DLGAP2: variants seen among roughly 807,000 people sequenced by gnomAD.
DLGAP2 encodes the protein disks large-associated protein 2.
Under a neutral mutation model 100.3 loss-of-function variants are expected in DLGAP2, and 26 were observed. The ratio of observed to expected loss-of-function variants is 0.26; its 90% CI spans 0.19 to 0.36. The LOEUF (loss-of-function observed/expected upper bound fraction) is 0.36, where lower values mean the gene tolerates loss of function less well. Among genes scored for constraint, DLGAP2 ranks in the 10% least tolerant of loss-of-function variants. The probability of loss-of-function intolerance (pLI) is 1.00; values close to 1 mark genes in which losing one functional copy is unlikely to be tolerated. For missense variants in DLGAP2, 1,858 were observed against 1,453.2 expected, an observed-to-expected ratio of 1.28 and a Z score of -4.53; for synonymous variants, 886 against 630.1, an observed-to-expected ratio of 1.41 and a Z score of -6.08.
intron 2 of DLGAP2, among the ~76,000 whole-genome samples, chr8:1,004,943 G>C (rs535739260): frequency 1.3e-5 from 2 of 152,192 alleles, no homozygotes; most frequent in African/African-American, 4.8e-5. Context: ...GGAAGGCTGC[G>C]TGGCAGCAGG....
intron 1 of DLGAP2, among the ~76,000 whole-genome samples, chr8:789,159 C>T (rs190462156): frequency 6.6e-4 from 101 of 152,274 alleles, no homozygotes; most frequent in African/African-American, 2.3e-3. Context: ...GTTCCCGTTA[C>T]CATGTTGTAT....
At chr8:1,081,593 C>T (rs1563181624) in intron 2 of DLGAP2, among the ~76,000 whole-genome samples, 1 of 152,208 alleles carries the variant, frequency 6.6e-6, no homozygotes. Flanking sequence ...TCAAGTGATC[C>T]TCCTGCCTTG....
At chr8:922,667 A>G (rs1010805308) in intron 2 of DLGAP2, among the ~76,000 whole-genome samples, 5 of 152,224 alleles carry the variant, frequency 3.3e-5, no homozygotes, top group Admixed American at 2.6e-4. Context: ...TAGTTTTACT[A>G]TGTATTTTAA....
intron 8 of DLGAP2, among the ~76,000 whole-genome samples, chr8:1,639,447 C>T (rs1797845047): frequency 6.6e-6 from 1 of 152,118 alleles, no homozygotes; most frequent in African/African-American, 2.4e-5. Context: ...CTATGCGGAG[C>T]AGCAGGGGTC....
At chr8:1,255,782 C>A (rs1303167496) in intron 2 of DLGAP2, among the ~76,000 whole-genome samples, 1 of 124,036 alleles carries the variant, frequency 8.1e-6, no homozygotes, top group Non-Finnish European at 1.6e-5. Flanking sequence ...GTGTGTGTGT[C>A]CTCTCATCCT....
chr8:927,600 GT>G lies in DLGAP2; in HGVS notation c.73+19636del, dbSNP rs548012910. On this transcript the variant is annotated intron_variant, in intron 2 of 14. Coordinates refer to ENST00000637795, the MANE Select transcript of DLGAP2 (RefSeq NM_001346810.2). ...GATCAGACATAATCGTAACAATTCTGTTCTTAACAGGAGAATCGTGGGGCCC... is the reference window on the plus strand; with the variant it reads ...GATCAGACATAATCGTAACAATTCTGTCTTAACAGGAGAATCGTGGGGCCC... Among the ~76,000 whole-genome samples, 20 of 152,296 alleles carry G rather than the reference GT, an allele frequency of 1.3e-4. No homozygotes were observed. In the Middle Eastern group the frequency reaches 0.01, roughly 78 times the overall value.
intron 3 of DLGAP2, among the ~76,000 whole-genome samples, chr8:1,305,248 A>C (rs1800463546): frequency 6.6e-6 from 1 of 152,228 alleles, no homozygotes; most frequent in Non-Finnish European, 1.5e-5. Flanking sequence ...GGGAGTTGTG[A>C]AAATGAGAGA....
At chr8:1,457,310 G>C (rs879650800) in intron 3 of DLGAP2, among the ~76,000 whole-genome samples, 10 of 152,152 alleles carry the variant, frequency 6.6e-5, no homozygotes, top group Non-Finnish European at 1.5e-4. Flanking sequence ...CACAGAAATG[G>C]TTGCAGAGAG....
rs62484229 is a variant in DLGAP2 at position 741,682 on chromosome 8, G to A, written c.18+3857G>A. On this transcript the variant is annotated intron_variant, in intron 1 of 14. Coordinates refer to ENST00000637795, the MANE Select transcript of DLGAP2 (RefSeq NM_001346810.2). ...CAGACTCCAGTGTATTTGCAGTTCA[G>A]TGTACGCTTCCCTTTCCAGGCAGCA... Among the ~76,000 whole-genome samples the A allele has an allele frequency of 3.1e-3, 470 of 152,316 alleles. 1 individual carries two copies. The highest frequency in any genetic ancestry group is 0.011 in the African/African-American group (447 of 41,570).
At chr8:777,447 G>C (rs13276228) in intron 1 of DLGAP2, among the ~76,000 whole-genome samples, 4 of 151,822 alleles carry the variant, frequency 2.6e-5, no homozygotes, top group Admixed American at 2.0e-4. Context: ...TCCTAGTCTC[G>C]ATGGTCTTTA....
intron 3 of DLGAP2, among the ~76,000 whole-genome samples, chr8:1,303,202 C>G (rs1800401952): frequency 6.6e-6 from 1 of 152,152 alleles, no homozygotes. Context: ...TCAAGACCAT[C>G]CTGGCTAACA....
At chr8:1,195,349 G>A (rs1005158455) in intron 2 of DLGAP2, among the ~76,000 whole-genome samples, 2 of 152,210 alleles carry the variant, frequency 1.3e-5, no homozygotes, top group Non-Finnish European at 2.9e-5. Flanking sequence ...ATGGAGGCCT[G>A]GCCAGATGCA....
At chr8:1,689,681 G>A (rs933393106) in intron 12 of DLGAP2, among the ~76,000 whole-genome samples, 8 of 152,100 alleles carry the variant, frequency 5.3e-5, no homozygotes, top group African/African-American at 1.9e-4. Flanking sequence ...GCCAGAAGAC[G>A]CAGATGACGC....
At chr8:963,820 A>T (rs76872706) in intron 2 of DLGAP2, among the ~76,000 whole-genome samples, 1,855 of 152,334 alleles carry the variant, frequency 0.012, 45 homozygotes, top group African/African-American at 0.042. Context: ...CAGCACCATC[A>T]CAGTTAACAT....
intron 2 of DLGAP2, among the ~76,000 whole-genome samples, chr8:1,096,969 A>C (rs1302920642): frequency 7.1e-6 from 1 of 139,986 alleles, no homozygotes; most frequent in East Asian, 2.2e-4. Context: ...TGGCATAGAG[A>C]GGACCCCTCC....
chr8:1,443,440 C>A (rs184836534), intron 3 of DLGAP2, among the ~76,000 whole-genome samples: 2 of 152,206 alleles, frequency 1.3e-5, no homozygotes, highest in African/African-American at 4.8e-5. Context: ...GCCAGTTTCA[C>A]TTAATGCTTC....
chr8:752,729 G>A (rs1287078301), intron 1 of DLGAP2, among the ~76,000 whole-genome samples: 3 of 152,156 alleles, frequency 2.0e-5, no homozygotes, highest in Non-Finnish European at 4.4e-5. Context: ...GGAGGTGCAG[G>A]CTGTGCCCTT....
At chr8:966,278 T>C (rs1016098076) in intron 2 of DLGAP2, among the ~76,000 whole-genome samples, 3 of 152,222 alleles carry the variant, frequency 2.0e-5, no homozygotes, top group Non-Finnish European at 2.9e-5. Context: ...GGGGTATGAA[T>C]GAGTGAAGCT....
At chr8:1,190,966 G>T (rs1458539109) in intron 2 of DLGAP2, among the ~76,000 whole-genome samples, 3 of 152,162 alleles carry the variant, frequency 2.0e-5, no homozygotes, top group Admixed American at 6.5e-5. Context: ...GCGCAGCGAG[G>T]GGGGTGGGTG....
Sources: allele counts gnomAD v4.1 joint callset (sites outside exome capture counted in the v4.1 genomes callset), GRCh38; gene constraint gnomAD v4.1.1; transcripts MANE v1.5; gene names NCBI Gene and HGNC (gene_info 2026-07-23, HGNC 2026-07-21).